NEK10: variants seen among roughly 807,000 people sequenced by gnomAD.
NEK10 encodes serine/threonine-protein kinase Nek10.
NEK10 carries 122 observed loss-of-function variants against 159.8 expected under a neutral mutation model. That is an observed-to-expected ratio of 0.76 (90% CI 0.66 to 0.89). The LOEUF is 0.89. Among genes scored for constraint, NEK10 ranks in the 40% least tolerant of loss-of-function variants. The probability of loss-of-function intolerance (pLI) is 0.00; values close to 1 mark genes in which losing one functional copy is unlikely to be tolerated. For missense variants in NEK10, 1,342 were observed against 1,323.1 expected, an observed-to-expected ratio of 1.01 and a Z score of -0.22; for synonymous variants, 466 against 457.1, an observed-to-expected ratio of 1.02 and a Z score of -0.25.
intron 32 of NEK10, among the ~76,000 whole-genome samples, chr3:27,124,368 A>G (rs1400349143): frequency 6.6e-6 from 1 of 152,202 alleles, no homozygotes; most frequent in Non-Finnish European, 1.5e-5. Context: ...AGGAATGGAT[A>G]TGGAAGACTG....
At chr3:27,140,198 G>GTGTGGTAGACAGAAACC in intron 31 of NEK10, among the ~76,000 whole-genome samples, 1 of 152,276 alleles carries the variant, frequency 6.6e-6, no homozygotes, top group East Asian at 1.9e-4. Context: ...GATTATCTAG[G>GTGTGGTAGACAGAAACC]TGTGGTAGAC....
At chr3:27,239,707 G>T (rs6551183) in intron 23 of NEK10, among the ~76,000 whole-genome samples, 96,243 of 152,004 alleles carry the variant, frequency 0.63, 32,839 homozygotes, top group African/African-American at 0.91. Context: ...ACAAAAACTA[G>T]GAATGAGCAA....
At chr3:27,191,701 G>C (rs1949136562) in intron 26 of NEK10, among the ~76,000 whole-genome samples, 1 of 152,168 alleles carries the variant, frequency 6.6e-6, no homozygotes. Flanking sequence ...ATTCCCAAAA[G>C]TTGCAGTCAG....
chr3:27,107,254 T>C lies in NEK10; in HGVS notation c.*4018A>G, dbSNP rs1414198567. 6.6e-6 allele frequency among the ~76,000 whole-genome samples: 1 copy of C among 152,100 alleles called. No homozygotes were observed. The highest frequency in any genetic ancestry group is 1.5e-5 in the Non-Finnish European group (1 of 68,018). ...TTGGCAATATCCATCAGACACCCCA[T>C]GAAACTCATAAAATCTTTCCTGTCC... On this transcript the variant is annotated 3_prime_UTR_variant, in exon 36 of 36. Coordinates refer to ENST00000691995, the MANE Select transcript of NEK10 (RefSeq NM_001394966.1).
intron 23 of NEK10, chr3:27,206,633 T>C (rs981950219): frequency 1.0e-6 from 1 of 985,172 alleles, no homozygotes; most frequent in African/African-American, 1.7e-5. Context: ...TGCTGGTAAC[T>C]CGCAGACCTA....
chr3:27,307,427 T>A (rs1268313296), intron 11 of NEK10, among the ~76,000 whole-genome samples: 1 of 152,200 alleles, frequency 6.6e-6, no homozygotes, highest in Non-Finnish European at 1.5e-5. Context: ...TTTTGAGTTA[T>A]CATAGCAGGT....
chr3:27,226,716 A>G (rs1952685272), intron 23 of NEK10, among the ~76,000 whole-genome samples: 1 of 152,246 alleles, frequency 6.6e-6, no homozygotes, highest in African/African-American at 2.4e-5. Flanking sequence ...CATATCTAAT[A>G]TTAAGATGAT....
chr3:27,251,356 G>A (rs35970825), intron 23 of NEK10, among the ~76,000 whole-genome samples: 1 of 152,208 alleles, frequency 6.6e-6, no homozygotes, highest in Non-Finnish European at 1.5e-5. Context: ...GTGGGGCCTA[G>A]TGGAAAATGA....
At chr3:27,145,814 C>A (rs975714474) in intron 30 of NEK10, among the ~76,000 whole-genome samples, 1 of 151,834 alleles carries the variant, frequency 6.6e-6, no homozygotes, top group Admixed American at 6.6e-5. Flanking sequence ...GGTTGAAATC[C>A]TAATCCCCAA....
At chr3:27,141,658 T>G in intron 30 of NEK10, 76 bp from the exon 31 acceptor site, 1 of 1,129,260 alleles carries the variant, frequency 8.9e-7, no homozygotes, top group Non-Finnish European at 1.3e-6. Flanking sequence ...AGTAAAATTC[T>G]AACACAAATT....
At chr3:27,231,446 A>C (rs7615372) in intron 23 of NEK10, among the ~76,000 whole-genome samples, 20,436 of 151,942 alleles carry the variant, frequency 0.13, 3,404 homozygotes, top group African/African-American at 0.4. Flanking sequence ...AAACTACAGA[A>C]ACAGGAACAA....
intron 20 of NEK10, among the ~76,000 whole-genome samples, chr3:27,285,461 C>T (rs2042511615): frequency 2.0e-5 from 3 of 149,080 alleles, no homozygotes. Flanking sequence ...CATGGTCTTG[C>T]AATGACACAG....
At chr3:27,299,598 G>A (rs761376556) in intron 13 of NEK10, among the ~76,000 whole-genome samples, 24 of 152,194 alleles carry the variant, frequency 1.6e-4, no homozygotes, top group Non-Finnish European at 3.2e-4. Context: ...ACTGACAAGT[G>A]TGCACAGTGT....
intron 30 of NEK10, chr3:27,162,295 G>C: frequency 8.1e-7 from 1 of 1,238,290 alleles, no homozygotes; most frequent in Non-Finnish European, 1.1e-6. Flanking sequence ...AAGGCATTTT[G>C]TTACCATCAA....
chr3:27,209,936 G>C (rs1950859994), intron 23 of NEK10, among the ~76,000 whole-genome samples: 1 of 152,090 alleles, frequency 6.6e-6, no homozygotes, highest in Non-Finnish European at 1.5e-5. Flanking sequence ...TAAACAGCTA[G>C]GGTTTCTCTG....
At chr3:27,294,391 A>G (rs2043201246) in intron 15 of NEK10, among the ~76,000 whole-genome samples, 1 of 152,236 alleles carries the variant, frequency 6.6e-6, no homozygotes, top group Non-Finnish European at 1.5e-5. Context: ...AATTGCCCAG[A>G]GAGGTGAGGC....
chr3:27,322,532 G>C (rs1489231592), intron 5 of NEK10, among the ~76,000 whole-genome samples: 2 of 152,080 alleles, frequency 1.3e-5, no homozygotes, highest in Non-Finnish European at 2.9e-5. Context: ...AGTACCCTAA[G>C]ATCAAACGAA....
At chr3:27,126,956 C>A (rs566693901) in intron 32 of NEK10, among the ~76,000 whole-genome samples, 1 of 152,154 alleles carries the variant, frequency 6.6e-6, no homozygotes, top group African/African-American at 2.4e-5. Flanking sequence ...GAGCTGTTTT[C>A]AAAATGCTAA....
intron 9 of NEK10, 116 bp downstream of exon 9, chr3:27,310,833 C>A (rs1185478422): frequency 1.0e-5 from 6 of 596,658 alleles, no homozygotes; most frequent in South Asian, 2.4e-5. Flanking sequence ...TCAGGCCAGG[C>A]TGGTAGGTTT....
Sources: allele counts gnomAD v4.1 joint callset (sites outside exome capture counted in the v4.1 genomes callset), GRCh38; gene constraint gnomAD v4.1.1; transcripts MANE v1.5; gene names NCBI Gene and HGNC (gene_info 2026-07-23, HGNC 2026-07-21).